Variants in FAM13B observed in about 807,000 individuals in gnomAD.
FAM13B encodes protein FAM13B.
A neutral mutation model predicts 117.3 loss-of-function variants in FAM13B; 60 were observed. The observed-to-expected ratio is 0.51, with a 90% confidence interval of 0.42 to 0.63. The LOEUF (loss-of-function observed/expected upper bound fraction) is 0.63. Ranked by LOEUF, FAM13B falls within the 30% of genes least tolerant of loss-of-function variation. FAM13B has a pLI of 0.00. For synonymous variants in FAM13B, 332 were observed against 356.1 expected (o/e 0.93, Z 0.76); for missense variants, 972 against 1,091.9 (o/e 0.89, Z 1.55).
Position 138,024,810 on chromosome 5 carries a change from CACAGAGAG to C in FAM13B, c.-202-3621_-202-3614del, listed in dbSNP as rs1490150079. ...CAAAATTTATACACACACACACACA[CACAGAGAG>C]AGAGAGAGAGAGAGAGAAAGAGAGA... On this transcript the variant is annotated intron_variant, in intron 1 of 23. Transcript: ENST00000689681. Among the ~76,000 whole-genome samples, 25 of 19,244 alleles carry C rather than the reference CACAGAGAG, an allele frequency of 1.3e-3. No homozygotes were observed. In the Admixed American group the frequency reaches 0.015, roughly 12 times the overall value. The allele number at this position is 19,244 out of a possible 152,430, so 12.6% of individuals were successfully genotyped here.
intron 10 of FAM13B, among the ~76,000 whole-genome samples, chr5:137,971,573 C>A (rs1223617781): frequency 1.3e-5 from 2 of 150,928 alleles, no homozygotes; most frequent in Non-Finnish European, 3.0e-5. Context: ...AGAGCAAACA[C>A]ATTCAAAAGC....
At position 137,950,716 on chromosome 5, in the gene FAM13B, A is replaced by G. The variant is rs549461051; in HGVS notation, c.1931-1532T>C. Among the ~76,000 whole-genome samples, 100 of 152,222 alleles carry G rather than the reference A, an allele frequency of 6.6e-4. 1 individual carries two copies. Among genetic ancestry groups the G allele is most frequent in the African/African-American group, 2.3e-3 (94 of 41,542 alleles). On this transcript the variant is annotated intron_variant, in intron 17 of 23. Coordinates refer to ENST00000689681, the MANE Select transcript of FAM13B (RefSeq NM_001385994.1). The stretch of plus-strand genomic sequence containing the variant: ...TTAAAGATAATTCTGACTACCATGC[A>G]GCAGACGGACTACAGAGCAGTAAAA...
At position 138,011,052 on chromosome 5, in the gene FAM13B, C is replaced by A; in HGVS notation, c.646G>T (p.Glu216Ter). 1 of 1,608,204 alleles carries A rather than the reference C, an allele frequency of 6.2e-7. No individual in the cohort carries two copies. Among genetic ancestry groups the A allele is most frequent in the South Asian group, 1.1e-5 (1 of 90,134 alleles). ...ENYYEFFENE[E>*]EDFSSNDLSS... The stretch of plus-strand genomic sequence containing the variant: ...AAATCATTAGATGAAAAATCTTCCT[C>A]TTCATTCTCAAAAAACTCATAGTAG... The change falls in exon 6 of 24, where the codon GAG (glutamate) becomes TAG (stop). Residue 216 changes from glutamate to a stop codon, truncating the protein, a stop_gained. Coordinates refer to ENST00000689681, the MANE Select transcript of FAM13B (RefSeq NM_001385994.1). LOFTEE classifies it high-confidence loss of function.
intron 23 of FAM13B, 89 bp downstream of exon 23, chr5:137,941,855 T>TAG: frequency 8.9e-7 from 1 of 1,121,186 alleles, no homozygotes; most frequent in Non-Finnish European, 1.3e-6. Context: ...ATGCACAATT[T>TAG]CTAATCCCAC....
chr5:138,016,422 C>T (rs1785271622), intron 4 of FAM13B, among the ~76,000 whole-genome samples: 1 of 152,144 alleles, frequency 6.6e-6, no homozygotes, highest in African/African-American at 2.4e-5. Context: ...CTCAGGAGTT[C>T]AAGACCTGCT....
intron 1 of FAM13B, among the ~76,000 whole-genome samples, chr5:138,047,609 C>T (rs578002775): frequency 1.5e-4 from 23 of 152,244 alleles, no homozygotes; most frequent in African/African-American, 5.5e-4. Flanking sequence ...ATTAAAGTTG[C>T]TCAACTGACC....
chr5:137,964,687 C>T (rs972549594), intron 10 of FAM13B, among the ~76,000 whole-genome samples: 2 of 152,072 alleles, frequency 1.3e-5, no homozygotes, highest in African/African-American at 4.8e-5. Flanking sequence ...CACCACTGCA[C>T]TCCAGTCTGG....
chr5:138,040,248 G>T (rs1156429514), intron 1 of FAM13B, among the ~76,000 whole-genome samples: 6 of 99,236 alleles, frequency 6.0e-5, no homozygotes, highest in Non-Finnish European at 9.5e-5. Context: ...TGGCGACAGA[G>T]CAAGACTCTG....
intron 17 of FAM13B, among the ~76,000 whole-genome samples, chr5:137,949,941 C>A (rs1169306328): frequency 6.6e-6 from 1 of 151,882 alleles, no homozygotes; most frequent in Admixed American, 6.6e-5. Flanking sequence ...GCAGCCTGGG[C>A]AACAGAGTCA....
At chr5:137,983,229 C>T (rs1388388466) in intron 10 of FAM13B, among the ~76,000 whole-genome samples, 1 of 121,568 alleles carries the variant, frequency 8.2e-6, no homozygotes. Flanking sequence ...AGTGAGATAT[C>T]CTGAATGCCA....
intron 10 of FAM13B, among the ~76,000 whole-genome samples, chr5:137,969,715 A>C (rs1430874949): frequency 1.3e-5 from 2 of 152,050 alleles, no homozygotes; most frequent in Non-Finnish European, 2.9e-5. Context: ...ACTTTGAAAA[A>C]AATTTAGAAG....
intron 18 of FAM13B, among the ~76,000 whole-genome samples, chr5:137,948,082 C>T (rs1763930762): frequency 6.6e-6 from 1 of 151,902 alleles, no homozygotes; most frequent in Non-Finnish European, 1.5e-5. Context: ...TCTCTCCATT[C>T]TCCAAGCAAA....
intron 10 of FAM13B, among the ~76,000 whole-genome samples, chr5:137,984,621 T>C (rs762371025): frequency 8.0e-5 from 6 of 74,836 alleles, no homozygotes; most frequent in Non-Finnish European, 1.7e-4. Context: ...ATGAGAATAT[T>C]ATATGTTCTC....
At chr5:137,945,789 C>A in intron 20 of FAM13B, 113 bp downstream of exon 20, 2 of 683,494 alleles carry the variant, frequency 2.9e-6, no homozygotes, top group East Asian at 2.8e-5. Context: ...CTTACAGTGA[C>A]AATTATTTCT....
intron 1 of FAM13B, among the ~76,000 whole-genome samples, chr5:138,032,075 T>G (rs1198970666): frequency 1.3e-5 from 2 of 152,202 alleles, no homozygotes; most frequent in Non-Finnish European, 2.9e-5. Context: ...TTTCTAAAAG[T>G]CAGTTTGATT....
At chr5:137,944,568 C>G (rs931632866) in intron 20 of FAM13B, among the ~76,000 whole-genome samples, 1 of 151,934 alleles carries the variant, frequency 6.6e-6, no homozygotes, top group Non-Finnish European at 1.5e-5. Flanking sequence ...GAGTTCAAGA[C>G]CAGCCTGGCC....
intron 10 of FAM13B, among the ~76,000 whole-genome samples, chr5:137,972,436 A>G (rs1356804382): frequency 3.3e-5 from 5 of 151,860 alleles, no homozygotes; most frequent in African/African-American, 1.2e-4. Flanking sequence ...CTCTCAATAA[A>G]TTAGGTATTG....
Position 137,939,028 on chromosome 5 carries a change from G to A in FAM13B, c.*1197C>T, listed in dbSNP as rs529239548. On this transcript the variant is annotated 3_prime_UTR_variant, in exon 24 of 24. Coordinates refer to ENST00000689681, the MANE Select transcript of FAM13B (RefSeq NM_001385994.1). ...TAACAATGATTAGCAGAATGATACC[G>A]AGACAGTACCTGAAGAAAAGCCATG... is the stretch of plus-strand genomic sequence containing the variant. The A allele has an allele frequency of 1.3e-5, 2 of 152,160 alleles. No homozygotes were observed. The highest frequency in any genetic ancestry group is 2.1e-4 in the South Asian group (1 of 4,814). 9.4% of individuals were successfully genotyped at this position (152,160 alleles called of 1,614,324 possible). A position where few individuals can be genotyped will look rare whatever the true frequency, so the allele number is the denominator to read the frequency against.
chr5:137,949,297 GA>G, intron 17 of FAM13B, 113 bp from the exon 18 acceptor site: 1 of 780,484 alleles, frequency 1.3e-6, no homozygotes, highest in Non-Finnish European at 2.1e-6. Flanking sequence ...CACAGACTTA[GA>G]TATTTCAAAG....
Sources: allele counts gnomAD v4.1 joint callset (sites outside exome capture counted in the v4.1 genomes callset), GRCh38; gene constraint gnomAD v4.1.1; transcripts MANE v1.5; gene names NCBI Gene and HGNC (gene_info 2026-07-23, HGNC 2026-07-21).